Variants in DISC1 observed in about 807,000 individuals in gnomAD.
DISC1 encodes the protein DISC1 scaffold protein.
Under a neutral mutation model 84.5 loss-of-function variants are expected in DISC1, and 57 were observed. That is an observed-to-expected ratio of 0.67 (90% CI 0.55 to 0.84). DISC1 has a LOEUF of 0.84. DISC1 is among the 40% of genes least tolerant of loss of function. The probability of loss-of-function intolerance (pLI) is 0.00; values close to 1 mark genes in which losing one functional copy is unlikely to be tolerated. For synonymous variants in DISC1, 411 were observed against 415.2 expected, an observed-to-expected ratio of 0.99 and a Z score of 0.12; for missense variants, 1,000 against 1,057.8, an observed-to-expected ratio of 0.95 and a Z score of 0.76.
At chr1:231,716,491 A>G (rs1201201487) in intron 3 of DISC1, among the ~76,000 whole-genome samples, 1 of 152,084 alleles carries the variant, frequency 6.6e-6, no homozygotes, top group Admixed American at 6.6e-5. Flanking sequence ...TTTCTGCCTG[A>G]TGCTTTGTTG....
chr1:231,987,299 C>T (rs1296146547), intron 10 of DISC1, among the ~76,000 whole-genome samples: 4 of 152,088 alleles, frequency 2.6e-5, no homozygotes. Context: ...ATTTTTTTCG[C>T]TTAGCCTGAA....
chr1:231,719,511 G>GT (rs1319705621), intron 3 of DISC1, among the ~76,000 whole-genome samples: 4 of 152,196 alleles, frequency 2.6e-5, no homozygotes, highest in African/African-American at 4.8e-5. Flanking sequence ...TTTGCTAGCT[G>GT]TATAAGCTTG....
chr1:231,693,727 A>G, intron 1 of DISC1, 99 bp from the exon 2 acceptor site: 1 of 1,578,256 alleles, frequency 6.3e-7, no homozygotes, highest in South Asian at 1.1e-5. Context: ...AGGTGTACTG[A>G]GAGATGACCT....
At chr1:232,025,521 A>T (rs1456992789) in intron 11 of DISC1, among the ~76,000 whole-genome samples, 1 of 152,136 alleles carries the variant, frequency 6.6e-6, no homozygotes, top group African/African-American at 2.4e-5. Flanking sequence ...ATCGATCAAT[A>T]CTACGTGCCT....
chr1:231,686,163 G>T (rs2125592031), intron 1 of DISC1, among the ~76,000 whole-genome samples: 1 of 152,272 alleles, frequency 6.6e-6, no homozygotes, highest in South Asian at 2.1e-4. Context: ...CAAGCTGTAG[G>T]TGGATCTACC....
intron 1 of DISC1, among the ~76,000 whole-genome samples, chr1:231,682,234 A>G (rs1339203615): frequency 5.3e-5 from 8 of 152,132 alleles, no homozygotes; most frequent in African/African-American, 1.9e-4. Context: ...CTCCTGCAAT[A>G]CAAATCTGTC....
intron 1 of DISC1, among the ~76,000 whole-genome samples, chr1:231,678,941 G>T (rs1247681283): frequency 2.6e-5 from 4 of 152,228 alleles, no homozygotes; most frequent in Admixed American, 6.5e-5. Context: ...CTCCCAAAGT[G>T]CTGGGATTAC....
chr1:231,886,827 CTTTCTTTCCTT>C (rs2086792988), intron 9 of DISC1, among the ~76,000 whole-genome samples: 1 of 125,752 alleles, frequency 8.0e-6, no homozygotes, highest in Admixed American at 8.5e-5. Flanking sequence ...TTCTTTCTTT[CTTTCTTTCCTT>C]CTTTCTTTTC....
intron 9 of DISC1, 23 bp downstream of exon 9, chr1:231,818,540 C>T (rs1445273091): frequency 2.0e-5 from 32 of 1,613,458 alleles, no homozygotes; most frequent in Non-Finnish European, 2.6e-5. Context: ...CAACTGTTCC[C>T]CGGCAAGATA....
intron 3 of DISC1, among the ~76,000 whole-genome samples, chr1:231,725,973 A>G (rs1323683300): frequency 6.6e-6 from 1 of 152,056 alleles, no homozygotes; most frequent in Non-Finnish European, 1.5e-5. Flanking sequence ...GAAAGCAGGG[A>G]GCAGACAGGA....
chr1:231,907,721 C>T (rs1309207551), intron 9 of DISC1, among the ~76,000 whole-genome samples: 1 of 152,172 alleles, frequency 6.6e-6, no homozygotes, highest in Non-Finnish European at 1.5e-5. Context: ...AATGGTATTT[C>T]TAGTTCTAGA....
intron 9 of DISC1, among the ~76,000 whole-genome samples, chr1:231,863,873 G>A (rs201875189): frequency 1.5e-5 from 2 of 129,452 alleles, no homozygotes; most frequent in Non-Finnish European, 3.4e-5. Flanking sequence ...GTCCATGAGC[G>A]GAAACTCAGA....
Position 231,781,194 on chromosome 1 carries a change from A to G in DISC1, c.1634+10124A>G, listed in dbSNP as rs1403231801. On this transcript the variant is annotated intron_variant, in intron 6 of 12. Coordinates refer to ENST00000439617, the MANE Select transcript of DISC1 (RefSeq NM_018662.3). ...AAAAAAAAGAAATGCAGCCTCAGGA[A>G]AAAAAAAAAAGACTTTATTTTGTGC... 5.6e-3 allele frequency among the ~76,000 whole-genome samples: 133 copies of G among 23,682 alleles called. 5 individuals carry two copies. The East Asian group carries it at 0.06, about 11-fold the overall frequency. The allele number at this position is 23,682 out of a possible 152,430, so 15.5% of individuals were successfully genotyped here.
chr1:231,761,459 C>T (rs2075656185), intron 4 of DISC1, among the ~76,000 whole-genome samples: 2 of 152,170 alleles, frequency 1.3e-5, no homozygotes, highest in African/African-American at 2.4e-5. Flanking sequence ...GTCCTGGGGC[C>T]ATCACTCAGC....
chr1:231,943,203 G>A (rs916889350), intron 9 of DISC1, among the ~76,000 whole-genome samples: 3 of 152,266 alleles, frequency 2.0e-5, no homozygotes, highest in Non-Finnish European at 2.9e-5. Context: ...CAGGCATGAT[G>A]AGGCCAACAG....
chr1:231,991,698 T>A (rs1438675507), intron 10 of DISC1, among the ~76,000 whole-genome samples: 1 of 152,188 alleles, frequency 6.6e-6, no homozygotes, highest in East Asian at 1.9e-4. Flanking sequence ...TTACTTTTTT[T>A]TTATTATTAT....
chr1:231,859,917 T>G (rs1316336254), intron 9 of DISC1, among the ~76,000 whole-genome samples: 1 of 152,150 alleles, frequency 6.6e-6, no homozygotes, highest in Non-Finnish European at 1.5e-5. Flanking sequence ...CATGTATTGT[T>G]CCAGCAGTAC....
intron 6 of DISC1, among the ~76,000 whole-genome samples, chr1:231,793,040 G>A (rs1331651430): frequency 1.3e-5 from 2 of 152,130 alleles, no homozygotes; most frequent in Non-Finnish European, 2.9e-5. Context: ...TGATTAGTAC[G>A]GACCTGCACC....
At chr1:232,008,104 A>G (rs751894885) in intron 10 of DISC1, among the ~76,000 whole-genome samples, 4 of 152,312 alleles carry the variant, frequency 2.6e-5, no homozygotes, top group Non-Finnish European at 5.9e-5. Flanking sequence ...TTTCCTTTGT[A>G]AATTAACGAG....
Sources: allele counts gnomAD v4.1 joint callset (sites outside exome capture counted in the v4.1 genomes callset), GRCh38; gene constraint gnomAD v4.1.1; transcripts MANE v1.5; gene names NCBI Gene and HGNC (gene_info 2026-07-23, HGNC 2026-07-21).